C5: variants seen among roughly 807,000 people sequenced by gnomAD.
C5 encodes complement C5.
A neutral mutation model predicts 218.8 loss-of-function variants in C5; 140 were observed. The ratio of observed to expected loss-of-function variants is 0.64; its 90% CI spans 0.56 to 0.74. The LOEUF is 0.74. Ranked by LOEUF, C5 falls within the 30% of genes least tolerant of loss-of-function variation. C5 has a pLI of 0.00. For missense variants in C5, 1,700 were observed against 1,969.6 expected, an observed-to-expected ratio of 0.86 and a Z score of 2.59; for synonymous variants, 614 against 682.3, an observed-to-expected ratio of 0.90 and a Z score of 1.56.
At chr9:121,053,194 G>A (rs1488426509), upstream of C5, among the ~76,000 whole-genome samples, 1 of 152,168 alleles carries the variant, frequency 6.6e-6, no homozygotes, top group African/African-American at 2.4e-5. Flanking sequence ...ATGGAGACAC[G>A]GGAATCATAC....
chr9:121,068,494 G>C, the C5 span, among the ~76,000 whole-genome samples: 1 of 152,010 alleles, frequency 6.6e-6, no homozygotes, highest in African/African-American at 2.4e-5. Context: ...CAAACAAATG[G>C]AAAGACATCT....
intron 3 of C5, among the ~76,000 whole-genome samples, chr9:121,038,322 G>A (rs1221330160): frequency 1.3e-5 from 2 of 152,142 alleles, no homozygotes; most frequent in East Asian, 3.9e-4. Context: ...ATCACCATAT[G>A]GTTATAGAGG....
intron 20 of C5, among the ~76,000 whole-genome samples, chr9:121,002,333 T>TACAC (rs1564146819): frequency 7.6e-5 from 9 of 118,094 alleles, no homozygotes; most frequent in South Asian, 3.1e-4. Flanking sequence ...TATATATATA[T>TACAC]ATATATATAC....
At chr9:121,064,198 T>C in the C5 span, among the ~76,000 whole-genome samples, 113,946 of 151,854 alleles carry the variant, frequency 0.75, 43,156 homozygotes, top group East Asian at 0.96. Context: ...AATATATAAT[T>C]GAGTATGATT....
At chr9:120,953,623 G>T in intron 40 of C5, 107 bp downstream of exon 40, 1 of 1,138,596 alleles carries the variant, frequency 8.8e-7, no homozygotes, top group Non-Finnish European at 1.3e-6. Context: ...GTTCAAAATG[G>T]TTTGTTGGTT....
rs2047385294 is a variant in C5 at position 121,023,499 on chromosome 9, C to T, written c.1021G>A (p.Glu341Lys). 6.2e-7 allele frequency: 1 copy of T among 1,612,560 alleles called. No homozygotes were observed. Residue 341 changes from glutamate (E) to lysine (K), a missense_variant, in exon 10 of 41, where the codon GAA (glutamate) becomes AAA (lysine). By Grantham distance (56) the Glu-to-Lys change is moderately conservative. Coordinates refer to ENST00000223642, the MANE Select transcript of C5 (RefSeq NM_001735.3). The stretch of plus-strand genomic sequence containing the variant: ...AGGACATATTTGATGCCAGGTATTT[C>T]TGCCTCTTCAGAAAATCCACCTAAG... ...ESTGGFSEEA[E>K]IPGIKYVLSP...
chr9:120,981,891 A>C lies in C5; in HGVS notation c.3439T>G (p.Phe1147Val). ...GCCTTTCTAATTCCAATCACAGTAA[A>C]GGCTGTAAGATATAAGCTGTTCTCT... ...ARENSLYLTA[F>V]TVIGIRKAFD... Residue 1147 changes from phenylalanine (F) to valine (V), a missense_variant, in exon 27 of 41, where the codon TTT (phenylalanine) becomes GTT (valine). By Grantham distance (50) the Phe-to-Val change is conservative. Coordinates refer to ENST00000223642, the MANE Select transcript of C5 (RefSeq NM_001735.3). 1 of 1,614,110 alleles carries C rather than the reference A, an allele frequency of 6.2e-7. No homozygotes were observed.
chr9:121,014,987 A>ATTT (rs2047294194), intron 16 of C5, among the ~76,000 whole-genome samples: 3 of 152,198 alleles, frequency 2.0e-5, no homozygotes, highest in Admixed American at 1.3e-4. Flanking sequence ...TGAAGTAATA[A>ATTT]AGACCTATTT....
chr9:120,990,671 C>T (rs1232471082), intron 23 of C5, among the ~76,000 whole-genome samples: 1 of 152,176 alleles, frequency 6.6e-6, no homozygotes, highest in Non-Finnish European at 1.5e-5. Context: ...GCCAAACACC[C>T]AATCTCTTGA....
rs2047364732 is a variant in C5 at position 121,021,518 on chromosome 9, C to T, written c.1293G>A (p.Leu431=). The change falls in exon 11 of 41, where the codon CTG becomes CTA. Residue 431 remains leucine (L), a synonymous_variant. Transcript: ENST00000223642. ...GGAGAATTCAGCTCACATTAAACTC[C>T]AGCACCGTCACTCCAGATGGGAGAT... The part of the protein sequence containing the change: ...VLNLPSGVTV[L]EFNVKTDAPD... The T allele has an allele frequency of 6.2e-7, 1 of 1,612,752 alleles. No individual in the cohort carries two copies. The highest frequency in any genetic ancestry group is 2.2e-5 in the East Asian group (1 of 44,848).
intron 36 of C5, among the ~76,000 whole-genome samples, chr9:120,962,178 C>T (rs553470601): frequency 3.9e-5 from 6 of 152,244 alleles, no homozygotes; most frequent in African/African-American, 1.2e-4. Flanking sequence ...CTATACCCGA[C>T]GCTGCGTTAG....
intron 3 of C5, among the ~76,000 whole-genome samples, chr9:121,038,323 G>A (rs1176115137): frequency 3.9e-5 from 6 of 152,110 alleles, no homozygotes; most frequent in Admixed American, 3.9e-4. Context: ...TCACCATATG[G>A]TTATAGAGGA....
In C5 at chr9:121,046,452, T is replaced by G. The variant is rs964451908; in HGVS notation, c.66-69A>C. ...ATATTTTCTTTTACTTTTGATTTTT[T>G]TCTCTCACTTGAGAGATTCCATTTA... On this transcript the variant is annotated intron_variant, in intron 1 of 40. Coordinates refer to ENST00000223642, the MANE Select transcript of C5 (RefSeq NM_001735.3). 4 of 1,108,618 alleles carry G rather than the reference T, an allele frequency of 3.6e-6. No individual in the cohort carries two copies. The African/African-American group carries it at 4.6e-5, about 13-fold the overall frequency. 68.7% of individuals were successfully genotyped at this position (1,108,618 alleles called of 1,614,324 possible).
At chr9:121,065,382 A>C in the C5 span, among the ~76,000 whole-genome samples, 2 of 152,218 alleles carry the variant, frequency 1.3e-5, no homozygotes, top group Non-Finnish European at 2.9e-5. Flanking sequence ...AAACAATGAC[A>C]ATATCTTGGA....
At chr9:120,988,056 G>A (rs2047047579) in intron 25 of C5, among the ~76,000 whole-genome samples, 1 of 152,212 alleles carries the variant, frequency 6.6e-6, no homozygotes, top group African/African-American at 2.4e-5. Context: ...CTCCCAAAGT[G>A]CTGGGATTAC....
chr9:121,044,463 G>A (rs997424112), intron 2 of C5, among the ~76,000 whole-genome samples: 1 of 151,964 alleles, frequency 6.6e-6, no homozygotes, highest in Admixed American at 6.6e-5. Context: ...GTGACAGAGC[G>A]AGACCCTGTC....
chr9:121,017,718 T>A lies in C5; in HGVS notation c.1641A>T (p.Thr547=). ...SSRLLVYYIV[T]GEQTAELVSD... ...ACACTAATTCTGCTGTCTGTTCTCC[T>A]GTGACGATGTAATAGACCAGAAGTC... The change falls in exon 13 of 41, where the codon ACA becomes ACT. Residue 547 remains threonine, a synonymous_variant. Transcript: ENST00000223642. 1 of 1,613,512 alleles carries A rather than the reference T, an allele frequency of 6.2e-7. No homozygotes were observed. Among genetic ancestry groups the A allele is most frequent in the African/African-American group, 1.3e-5 (1 of 75,052 alleles).
chr9:121,001,150 TA>T (rs778604900), intron 20 of C5, among the ~76,000 whole-genome samples: 1 of 152,130 alleles, frequency 6.6e-6, no homozygotes, highest in Non-Finnish European at 1.5e-5. Context: ...TAAACAATAA[TA>T]AGTACATTTG....
rs752415627 is a variant in C5 at position 121,046,380 on chromosome 9, A to G, written c.69T>C (p.Tyr23=). Reference sequence around the variant, plus strand: ...GGAATATTTTTGGTGCTGAAATGACATATCTGTTGAAAAAGGAAAAGATAA... The same window carrying G: ...GGAATATTTTTGGTGCTGAAATGACGTATCTGTTGAAAAAGGAAAAGATAA... The part of the protein sequence containing the change: ...LGKTWGQEQT[Y]VISAPKIFRV... Residue 23 remains tyrosine (Y), a synonymous_variant, in exon 2 of 41, where the codon TAT becomes TAC. Coordinates refer to ENST00000223642, the MANE Select transcript of C5 (RefSeq NM_001735.3). The G allele has an allele frequency of 3.1e-6, 5 of 1,608,964 alleles. No homozygotes were observed. Among genetic ancestry groups the G allele is most frequent in the African/African-American group, 1.3e-5 (1 of 74,900 alleles).
Sources: allele counts gnomAD v4.1 joint callset (sites outside exome capture counted in the v4.1 genomes callset), GRCh38; gene constraint gnomAD v4.1.1; transcripts MANE v1.5; gene names NCBI Gene and HGNC (gene_info 2026-07-23, HGNC 2026-07-21).